The following TNS3 variants were observed in gnomAD, a reference collection of about 807,000 sequenced individuals.
TNS3 encodes tensin 3, also known as tensin-3.
A neutral mutation model predicts 140.9 loss-of-function variants in TNS3; 45 were observed. That is an observed-to-expected ratio of 0.32 (90% CI 0.25 to 0.41). The LOEUF is 0.41. Ranked by LOEUF, TNS3 falls within the 10% of genes least tolerant of loss-of-function variation. The pLI is 1.00. For missense variants in TNS3, 1,716 were observed against 1,906.7 expected (o/e 0.90, Z 1.86); for synonymous variants, 815 against 788.4 (o/e 1.03, Z -0.56).
chr7:47,366,553 A>G (rs540614657), intron 17 of TNS3, among the ~76,000 whole-genome samples: 2 of 152,316 alleles, frequency 1.3e-5, no homozygotes, highest in African/African-American at 4.8e-5. Flanking sequence ...CAGGCAACCC[A>G]CAGCACACTC....
intron 1 of TNS3, among the ~76,000 whole-genome samples, chr7:47,540,263 T>C (rs755272572): frequency 4.3e-4 from 66 of 152,030 alleles, no homozygotes; most frequent in Non-Finnish European, 7.6e-4. Context: ...CAAAATGAGG[T>C]TCTTCCCAGG....
intron 9 of TNS3, among the ~76,000 whole-genome samples, chr7:47,427,678 G>A (rs1052104804): frequency 5.9e-5 from 9 of 152,092 alleles, no homozygotes; most frequent in Non-Finnish European, 1.0e-4. Context: ...TAGGGGACCC[G>A]AGTGGCACCT....
At chr7:47,499,914 G>A (rs1018591089) in intron 3 of TNS3, among the ~76,000 whole-genome samples, 9 of 152,108 alleles carry the variant, frequency 5.9e-5, no homozygotes, top group African/African-American at 1.7e-4. Context: ...CGATGCTGAC[G>A]GCAGGAGAGT....
At chr7:47,437,366 A>G (rs1037901343) in intron 6 of TNS3, 53 bp from the exon 7 acceptor site, 3 of 818,788 alleles carry the variant, frequency 3.7e-6, no homozygotes, top group Non-Finnish European at 5.1e-6. Flanking sequence ...AATATTTTAA[A>G]AATTAATACT....
intron 23 of TNS3, among the ~76,000 whole-genome samples, chr7:47,298,990 C>T (rs1786219682): frequency 6.6e-6 from 1 of 152,310 alleles, no homozygotes; most frequent in Admixed American, 6.5e-5. Flanking sequence ...GGCCTGCAGC[C>T]GCCCATGCAA....
intron 4 of TNS3, among the ~76,000 whole-genome samples, chr7:47,475,017 AAC>A (rs1414328215): frequency 2.6e-5 from 4 of 151,712 alleles, no homozygotes; most frequent in South Asian, 2.1e-4. Flanking sequence ...CGCAACACAC[AAC>A]ACACACACCT....
rs184900559 is a variant in TNS3, at chr7:47,427,749, T to C, written c.389+563A>G. The stretch of plus-strand genomic sequence containing the variant: ...AACCAGCCCAGACCTGGCTCTCCAC[T>C]CCTAGGCTGTGAGATCATGAGCAAG... On this transcript the variant is annotated intron_variant, in intron 9 of 30. Transcript: ENST00000311160. Among the ~76,000 whole-genome samples the C allele has an allele frequency of 1.2e-3, 187 of 152,320 alleles. 1 individual carries two copies. The highest frequency in any genetic ancestry group is 4.4e-3 in the African/African-American group (181 of 41,576).
chr7:47,404,558 C>T (rs922019335), intron 13 of TNS3, among the ~76,000 whole-genome samples: 4 of 152,154 alleles, frequency 2.6e-5, no homozygotes, highest in Non-Finnish European at 4.4e-5. Context: ...CAGAAACCAT[C>T]GCCAAAATTT....
At chr7:47,437,570 A>C (rs1795246237) in intron 6 of TNS3, among the ~76,000 whole-genome samples, 1 of 151,604 alleles carries the variant, frequency 6.6e-6, no homozygotes, top group Non-Finnish European at 1.5e-5. Flanking sequence ...AAAAATACAG[A>C]CTTGTGTGGT....
At chr7:47,314,663 T>G (rs537463981) in intron 20 of TNS3, among the ~76,000 whole-genome samples, 3 of 152,204 alleles carry the variant, frequency 2.0e-5, no homozygotes, top group Non-Finnish European at 4.4e-5. Context: ...ATGTTAAAAA[T>G]GAGGACAGGA....
chr7:47,312,703 AAAAAATAAAAAT>A (rs1329286758), intron 20 of TNS3, among the ~76,000 whole-genome samples: 1 of 149,844 alleles, frequency 6.7e-6, no homozygotes, highest in Non-Finnish European at 1.5e-5. Flanking sequence ...ACTCTGTCTC[AAAAAATAAAAAT>A]AAAAATAAAA....
intron 1 of TNS3, chr7:47,556,999 A>T (rs1394287395): frequency 2.2e-6 from 1 of 455,884 alleles, no homozygotes; most frequent in African/African-American, 2.0e-5. Context: ...ACAGACGATA[A>T]CCAGGAGCAG....
At chr7:47,418,036 C>A (rs1584613537) in intron 10 of TNS3, among the ~76,000 whole-genome samples, 2 of 152,204 alleles carry the variant, frequency 1.3e-5, no homozygotes, top group Admixed American at 1.3e-4. Flanking sequence ...CGCCTATAAT[C>A]CCAGCACTCT....
intron 16 of TNS3, among the ~76,000 whole-genome samples, chr7:47,388,997 AAGAAGGAAGAAGAAG>A (rs1792248760): frequency 4.3e-5 from 2 of 46,500 alleles, no homozygotes; most frequent in African/African-American, 6.5e-5. Flanking sequence ...GAAGAAGAAG[AAGAAGGAAGAAGAAG>A]AAGAAGAAGA....
intron 1 of TNS3, chr7:47,557,122 A>G (rs1422221534): frequency 2.2e-6 from 1 of 456,806 alleles, no homozygotes; most frequent in East Asian, 6.9e-5. Context: ...GGAGCACATG[A>G]GGAGGCTCAG....
chr7:47,415,041 G>T, intron 11 of TNS3, 53 bp downstream of exon 11: 2 of 1,395,148 alleles, frequency 1.4e-6, no homozygotes, highest in Non-Finnish European at 2.0e-6. Context: ...CCCAGGACCA[G>T]CTCCAAGTCT....
At position 47,276,679 on chromosome 7, in the gene TNS3, A is replaced by T. The variant is rs1195218612; in HGVS notation, c.*1397T>A. On this transcript the variant is annotated 3_prime_UTR_variant, in exon 31 of 31. Coordinates refer to ENST00000311160, the MANE Select transcript of TNS3 (RefSeq NM_022748.12). ...CCCCCAAACCTTTGACCACGAACAG[A>T]TTCAAGCAGGAAAACCAGGGCATTG... is the stretch of plus-strand genomic sequence containing the variant. The T allele has an allele frequency of 6.6e-6, 1 of 152,252 alleles. No homozygotes were observed. Among genetic ancestry groups the T allele is most frequent in the African/African-American group, 2.4e-5 (1 of 41,434 alleles). The allele number at this position is 152,252 out of a possible 1,614,324, so 9.4% of individuals were successfully genotyped here. A position where few individuals can be genotyped will look rare whatever the true frequency, so the allele number is the denominator to read the frequency against.
chr7:47,302,898 T>A, intron 22 of TNS3, 52 bp downstream of exon 22: 1 of 1,542,974 alleles, frequency 6.5e-7, no homozygotes, highest in Non-Finnish European at 8.7e-7. Flanking sequence ...ACCCTTCCCT[T>A]CCCCAGTGAA....
chr7:47,485,821 G>C (rs1282031056), intron 3 of TNS3, among the ~76,000 whole-genome samples: 1 of 152,230 alleles, frequency 6.6e-6, no homozygotes, highest in Non-Finnish European at 1.5e-5. Flanking sequence ...TGGGTACACT[G>C]GCATCAATAA....
Sources: allele counts gnomAD v4.1 joint callset (sites outside exome capture counted in the v4.1 genomes callset), GRCh38; gene constraint gnomAD v4.1.1; transcripts MANE v1.5; gene names NCBI Gene and HGNC (gene_info 2026-07-23, HGNC 2026-07-21).